The following SMYD4 variants were observed in gnomAD, a reference collection of about 807,000 sequenced individuals.
SMYD4 encodes SET and MYND domain containing 4, also known as protein-lysine N-methyltransferase SMYD4.
A neutral mutation model predicts 72.8 loss-of-function variants in SMYD4; 68 were observed. The ratio of observed to expected loss-of-function variants is 0.93; its 90% CI spans 0.77 to 1.14. The LOEUF (loss-of-function observed/expected upper bound fraction) is 1.14, where lower values mean the gene tolerates loss of function less well. Ranked by LOEUF, SMYD4 falls within the 50% of genes most tolerant of loss-of-function variation. The pLI is 0.00. For synonymous variants in SMYD4, 407 were observed against 388.6 expected, an observed-to-expected ratio of 1.05 and a Z score of -0.56; for missense variants, 984 against 1,003.7, an observed-to-expected ratio of 0.98 and a Z score of 0.27.
At position 1,798,935 on chromosome 17, in the gene SMYD4, AT is replaced by A. The variant is rs553667271; in HGVS notation, c.1537+921del. 2.2e-3 allele frequency among the ~76,000 whole-genome samples: 338 copies of A among 151,264 alleles called. 1 individual carries two copies. The highest frequency in any genetic ancestry group is 4.1e-3 in the Non-Finnish European group (281 of 67,884). ...ATAAATAAAGTAAAATAAAAAATAA[AT>A]TTTTTTTCAGCAATATGGACTTTTT... On this transcript the variant is annotated intron_variant, in intron 5 of 10. Transcript: ENST00000305513.
chr17:1,796,906 C>T (rs888569716), intron 5 of SMYD4, among the ~76,000 whole-genome samples: 4 of 152,100 alleles, frequency 2.6e-5, no homozygotes, highest in African/African-American at 9.7e-5. Flanking sequence ...AAATACTCAG[C>T]AGCTATATTT....
At chr17:1,790,014 C>G (rs1212701398) in intron 5 of SMYD4, among the ~76,000 whole-genome samples, 1 of 152,170 alleles carries the variant, frequency 6.6e-6, no homozygotes, top group Non-Finnish European at 1.5e-5. Flanking sequence ...CGGTGCCCAC[C>G]TTCTGGTATA....
intron 5 of SMYD4, among the ~76,000 whole-genome samples, chr17:1,794,107 T>TA (rs1597374369): frequency 8.4e-3 from 86 of 10,190 alleles, no homozygotes; most frequent in South Asian, 0.018. Flanking sequence ...ATATATATAT[T>TA]TTTTTTTTTT....
chr17:1,793,618 A>C (rs1026908316), intron 5 of SMYD4, among the ~76,000 whole-genome samples: 6 of 152,028 alleles, frequency 3.9e-5, no homozygotes, highest in Non-Finnish European at 8.8e-5. Context: ...CCCAGATTCA[A>C]GGAGAGGGGA....
At chr17:1,815,423 C>G (rs1910538305) in intron 2 of SMYD4, among the ~76,000 whole-genome samples, 1 of 151,240 alleles carries the variant, frequency 6.6e-6, no homozygotes. Flanking sequence ...TGTTCTCAAA[C>G]TCCTGAGCTC....
In SMYD4 at chr17:1,820,570, T is replaced by G. The variant is rs146110664; in HGVS notation, c.134+7291A>C. On this transcript the variant is annotated intron_variant, in intron 2 of 10. Transcript: ENST00000305513. ...TACGCTCTTTTTTATATAAATCTAT[T>G]AGTCTTCGAGCACGTCCTTGTTTTC... Among the ~76,000 whole-genome samples, 184 of 152,258 alleles carry G rather than the reference T, an allele frequency of 1.2e-3. 1 individual carries two copies. The highest frequency in any genetic ancestry group is 4.3e-3 in the African/African-American group (180 of 41,562).
rs1386939658 is a variant in SMYD4, at chr17:1,799,919, A to G, written c.1475T>C (p.Met492Thr). Residue 492 changes from methionine (M) to threonine (T), a missense_variant, in exon 5 of 11, where the codon ATG (methionine) becomes ACG (threonine). Met to Thr is a moderately conservative substitution (Grantham distance 81). Coordinates refer to ENST00000305513, the MANE Select transcript of SMYD4 (RefSeq NM_052928.3). ...CPDVTIWGVA[M>T]LRHMLQLQCN... Reference sequence around the variant, plus strand: ...CTGAAGCTGTAACATGTGTCTCAGCATCGCCACTCCCCAAATAGTCACGTC... The same window carrying G: ...CTGAAGCTGTAACATGTGTCTCAGCGTCGCCACTCCCCAAATAGTCACGTC... The G allele has an allele frequency of 2.5e-6, 4 of 1,613,758 alleles. No individual in the cohort carries two copies. Among genetic ancestry groups the G allele is most frequent in the Middle Eastern group, 1.6e-4 (1 of 6,084 alleles).
intron 2 of SMYD4, among the ~76,000 whole-genome samples, chr17:1,821,564 G>C (rs1910893461): frequency 6.6e-6 from 1 of 152,096 alleles, no homozygotes; most frequent in Admixed American, 6.6e-5. Flanking sequence ...TTGGGAAGAA[G>C]AGAGCAAAAT....
chr17:1,800,080 C>T lies in SMYD4; in HGVS notation c.1314G>A (p.Glu438=), dbSNP rs573554880. 6.2e-7 allele frequency: 1 copy of T among 1,611,710 alleles called. No individual in the cohort carries two copies. Among genetic ancestry groups the T allele is most frequent in the African/African-American group, 1.3e-5 (1 of 74,982 alleles). ...CACAGAGAGCACAGAGGAATTTGTGCTCTGGGCTATGGTTTTCAGTGTGGG... is the reference window on the plus strand; with the variant it reads ...CACAGAGAGCACAGAGGAATTTGTGTTCTGGGCTATGGTTTTCAGTGTGGG... ...LLPHTENHSP[E]HKFLCALCVS... is the part of the protein sequence containing the mutation. Residue 438 remains glutamate (E), a synonymous_variant, in exon 5 of 11, where the codon GAG becomes GAA. Transcript: ENST00000305513.
At chr17:1,806,310 G>A in intron 3 of SMYD4, among the ~76,000 whole-genome samples, 1 of 152,056 alleles carries the variant, frequency 6.6e-6, no homozygotes, top group Admixed American at 6.6e-5. Flanking sequence ...AGTTATCAAA[G>A]GTTAATAAAC....
intron 5 of SMYD4, among the ~76,000 whole-genome samples, chr17:1,796,526 T>A (rs1027456432): frequency 2.6e-5 from 4 of 151,344 alleles, no homozygotes; most frequent in African/African-American, 9.7e-5. Flanking sequence ...AACCCCCACC[T>A]CCCAGGTTCA....
rs7209873 is a variant in SMYD4, at chr17:1,786,990, G to A, written c.1721-17C>T. 0.011 allele frequency: 18,076 copies of A among 1,596,568 alleles called. 1,711 individuals are homozygous for A. The African/African-American group carries it at 0.22, about 20-fold the overall frequency. ...TGTGAGGCCCTGGAGGGAGATCACC[G>A]TCAGCCAATATTGAAAGCAAGAGAG... On this transcript the variant is annotated splice_polypyrimidine_tract_variant and intron_variant, in intron 6 of 10. Coordinates refer to ENST00000305513, the MANE Select transcript of SMYD4 (RefSeq NM_052928.3).
intron 5 of SMYD4, among the ~76,000 whole-genome samples, chr17:1,789,545 CTT>C (rs1174564336): frequency 1.3e-5 from 2 of 152,238 alleles, no homozygotes; most frequent in African/African-American, 4.8e-5. Context: ...GGGCAGATCA[CTT>C]GAGGTCAGGA....
intron 3 of SMYD4, 105 bp from the exon 4 acceptor site, chr17:1,804,820 G>T: frequency 9.3e-7 from 1 of 1,078,474 alleles, no homozygotes; most frequent in Non-Finnish European, 1.4e-6. Flanking sequence ...GTGAAACTGG[G>T]AAAGTTACTG....
At chr17:1,783,897 A>G (rs1908509807) in intron 8 of SMYD4, 2 of 289,120 alleles carry the variant, frequency 6.9e-6, no homozygotes, top group East Asian at 1.7e-4. Flanking sequence ...CAAAAGCAAG[A>G]CACTCCTATC....
intron 5 of SMYD4, among the ~76,000 whole-genome samples, chr17:1,799,410 C>T (rs2151233000): frequency 6.6e-6 from 1 of 151,244 alleles, no homozygotes; most frequent in South Asian, 2.1e-4. Flanking sequence ...CACTCTGTCG[C>T]CAGGCTGGAG....
At chr17:1,796,537 A>T (rs929512749) in intron 5 of SMYD4, among the ~76,000 whole-genome samples, 1 of 151,752 alleles carries the variant, frequency 6.6e-6, no homozygotes, top group African/African-American at 2.4e-5. Flanking sequence ...CCCAGGTTCA[A>T]GCAATTCTCC....
At chr17:1,793,778 C>G (rs980001562) in intron 5 of SMYD4, among the ~76,000 whole-genome samples, 8 of 151,312 alleles carry the variant, frequency 5.3e-5, no homozygotes, top group African/African-American at 1.9e-4. Flanking sequence ...CATGATGACA[C>G]TGAGATACAC....
chr17:1,784,298 G>C (rs1908530218), intron 8 of SMYD4, 28 bp downstream of exon 8: 3 of 1,613,758 alleles, frequency 1.9e-6, no homozygotes, highest in Non-Finnish European at 2.5e-6. Context: ...GAAGGGGCTG[G>C]AGGACCAAAG....
Sources: gnomAD v4.1 joint callset for allele counts (sites outside exome capture counted in the v4.1 genomes callset) on GRCh38, gnomAD v4.1.1 for gene constraint, MANE v1.5 for transcripts, NCBI Gene and HGNC (gene_info 2026-07-23, HGNC 2026-07-21) for gene names.